PLAT: variants seen among roughly 807,000 people sequenced by gnomAD.
PLAT encodes the protein tissue-type plasminogen activator.
Under a neutral mutation model 74.9 loss-of-function variants are expected in PLAT, and 48 were observed. That is an observed-to-expected ratio of 0.64 (90% CI 0.51 to 0.82). The LOEUF is 0.82. PLAT is among the 40% of genes least tolerant of loss of function. PLAT has a pLI of 0.00. For synonymous variants in PLAT, 307 were observed against 294.4 expected (o/e 1.04, Z -0.44); for missense variants, 673 against 736.2 (o/e 0.91, Z 0.99).
intron 1 of PLAT, among the ~76,000 whole-genome samples, chr8:42,194,241 A>AGAGAGAGAGAGAGTGTGTGTGT (rs1419569830): frequency 7.6e-5 from 4 of 52,544 alleles, no homozygotes; most frequent in African/African-American, 2.7e-4. Flanking sequence ...AGAGAGAGAG[A>AGAGAGAGAGAGAGTGTGTGTGT]GTGTGTGTGT....
At position 42,174,977 on chromosome 8, in the gene PLAT, T is replaced by C. The variant is rs1051563544; in HGVS notation, c.*1016A>G. On this transcript the variant is annotated 3_prime_UTR_variant, in exon 14 of 14. Coordinates refer to ENST00000220809, the MANE Select transcript of PLAT (RefSeq NM_000930.5). ...AAGATTCCCCAATCCCTCTTGCAAC[T>C]GAATTCTACTACAAGTCTGCCCTTT... Among the ~76,000 whole-genome samples the C allele has an allele frequency of 6.6e-6, 1 of 152,162 alleles. No homozygotes were observed. Among genetic ancestry groups the C allele is most frequent in the Non-Finnish European group, 1.5e-5 (1 of 68,032 alleles).
intron 9 of PLAT, among the ~76,000 whole-genome samples, 155 bp downstream of exon 9, chr8:42,181,782 C>T (rs8178778): frequency 0.017 from 2,532 of 151,314 alleles, 73 homozygotes; most frequent in African/African-American, 0.059. Flanking sequence ...GCCCACCCAC[C>T]GTGGCTTCAG....
Position 42,179,888 on chromosome 8 carries a change from C to T in PLAT, c.1363+38G>A, listed in dbSNP as rs748551808. The T allele has an allele frequency of 4.7e-5, 72 of 1,527,592 alleles. No individual in the cohort carries two copies. The South Asian group carries it at 8.4e-4, about 18-fold the overall frequency. 94.6% of individuals were successfully genotyped at this position (1,527,592 alleles called of 1,614,324 possible). A position where few individuals can be genotyped will look rare whatever the true frequency, so the allele number is the denominator to read the frequency against. On this transcript the variant is annotated intron_variant, in intron 12 of 13. Coordinates refer to ENST00000220809, the MANE Select transcript of PLAT (RefSeq NM_000930.5). ...GTGGACCGCAGCCTCCCCTGCTGTC[C>T]CGCAGACAGGATGGGGCCGAGACTT...
intron 1 of PLAT, among the ~76,000 whole-genome samples, chr8:42,196,157 G>C (rs1293347745): frequency 6.6e-6 from 1 of 152,224 alleles, no homozygotes; most frequent in Non-Finnish European, 1.5e-5. Context: ...CTAGGGGTGG[G>C]GGGACCAGAT....
intron 8 of PLAT, 61 bp from the exon 9 acceptor site, chr8:42,182,083 G>A (rs1805270945): frequency 9.3e-7 from 1 of 1,077,034 alleles, no homozygotes; most frequent in East Asian, 2.5e-5. Flanking sequence ...TTTTTGTAGA[G>A]ATGGGGTCTT....
In PLAT at chr8:42,179,966, C is replaced by G; in HGVS notation, c.1323G>C (p.Trp441Cys). ...CGTAGCCGGAGAGCTCACACTCCGT[C>G]CAGTCCGGCAGCTGCAGGTCCGCCG... is the stretch of plus-strand genomic sequence containing the variant. The part of the protein sequence containing the change: ...LPPADLQLPD[W>C]TECELSGYGK... Residue 441 changes from tryptophan (W) to cysteine (C), a missense_variant, in exon 12 of 14, where the codon TGG becomes TGC. Physicochemically the swap from Trp to Cys is radical, Grantham distance 215 (BLOSUM62 -2). Transcript: ENST00000220809. The G allele has an allele frequency of 6.2e-7, 1 of 1,608,330 alleles. No individual in the cohort carries two copies. The highest frequency in any genetic ancestry group is 8.5e-7 in the Non-Finnish European group (1 of 1,176,998).
chr8:42,182,122 C>A, intron 8 of PLAT, 100 bp from the exon 9 acceptor site: 1 of 719,414 alleles, frequency 1.4e-6, no homozygotes, highest in Non-Finnish European at 2.4e-6. Flanking sequence ...GTCTTGAACT[C>A]CTGGGCTCAA....
In PLAT at chr8:42,176,003, A is replaced by T; in HGVS notation, c.1679T>A (p.Met560Lys). 5 of 1,614,106 alleles carry T rather than the reference A, an allele frequency of 3.1e-6. No individual in the cohort carries two copies. Among genetic ancestry groups the T allele is most frequent in the Non-Finnish European group, 4.2e-6 (5 of 1,179,992 alleles). Residue 560 changes from methionine (M) to lysine (K), a missense_variant, in exon 14 of 14, where the codon ATG (methionine) becomes AAG (lysine). By Grantham distance (95) the Met-to-Lys change is moderately conservative. Transcript: ENST00000220809. ...TNYLDWIRDN[M>K]RP ...GTCGGGTGTTCCTGGTCACGGTCGCATGTTGTCACGAATCCAGTCTAGGTA... is the reference window on the plus strand; with the variant it reads ...GTCGGGTGTTCCTGGTCACGGTCGCTTGTTGTCACGAATCCAGTCTAGGTA...
rs977187337 is a variant in PLAT, at chr8:42,205,010, A to G, written c.-27+2484T>C. Among the ~76,000 whole-genome samples the G allele has an allele frequency of 3.9e-5, 6 of 152,334 alleles. No individual in the cohort carries two copies. The South Asian group carries it at 1.2e-3, about 32-fold the overall frequency. On this transcript the variant is annotated intron_variant, in intron 1 of 13. Transcript: ENST00000220809. ...AACCTGCCTCCCATTTTATTCCTAC[A>G]TAAGACGGCTACAAAGATAAAAGGC...
At chr8:42,203,348 G>A (rs1185804706) in intron 1 of PLAT, among the ~76,000 whole-genome samples, 1 of 152,174 alleles carries the variant, frequency 6.6e-6, no homozygotes, top group Non-Finnish European at 1.5e-5. Context: ...TAGCCAAGTC[G>A]CTGCTGGGTC....
chr8:42,179,615 A>C (rs8178787), intron 12 of PLAT, among the ~76,000 whole-genome samples: 1,743 of 152,300 alleles, frequency 0.011, 28 homozygotes, highest in African/African-American at 0.038. Flanking sequence ...GGGATTTGAA[A>C]TCGGGTCTTT....
intron 1 of PLAT, among the ~76,000 whole-genome samples, chr8:42,204,830 C>T (rs1454972912): frequency 1.3e-5 from 2 of 151,372 alleles, no homozygotes; most frequent in African/African-American, 4.9e-5. Context: ...CCAGCCTGAT[C>T]AACATGGTGA....
At chr8:42,177,159 G>A (rs920096786) in intron 13 of PLAT, among the ~76,000 whole-genome samples, 2 of 152,174 alleles carry the variant, frequency 1.3e-5, no homozygotes, top group Non-Finnish European at 2.9e-5. Context: ...GTTTCACCAT[G>A]GTGGCCAGGC....
chr8:42,187,304 T>C, intron 6 of PLAT, 94 bp downstream of exon 6: 1 of 1,119,312 alleles, frequency 8.9e-7, no homozygotes, highest in Non-Finnish European at 1.3e-6. Flanking sequence ...ATTGGTTATG[T>C]TTCTTGGGAG....
rs142075249 is a variant in PLAT, at chr8:42,203,597, C to T, written c.-27+3897G>A. Among the ~76,000 whole-genome samples the T allele has an allele frequency of 1.1e-4, 17 of 152,244 alleles. No homozygotes were observed. In the East Asian group the frequency reaches 3.1e-3, roughly 28 times the overall value. ...GATCAAGAATTGGGTTTATCTGTCCCTCTATCCCATTCTACAGAAGTTTCC... is the reference window on the plus strand; with the variant it reads ...GATCAAGAATTGGGTTTATCTGTCCTTCTATCCCATTCTACAGAAGTTTCC... On this transcript the variant is annotated intron_variant, in intron 1 of 13. Transcript: ENST00000220809.
At chr8:42,181,615 C>T (rs571923096) in intron 9 of PLAT, among the ~76,000 whole-genome samples, 3 of 152,158 alleles carry the variant, frequency 2.0e-5, no homozygotes, top group Non-Finnish European at 2.9e-5. Context: ...GCCATGCATG[C>T]GAGGCCTCCT....
chr8:42,193,323 G>A (rs980441371), intron 1 of PLAT, 112 bp from the exon 2 acceptor site: 35 of 667,884 alleles, frequency 5.2e-5, no homozygotes, highest in Non-Finnish European at 8.2e-5. Context: ...TGCCAGCCCC[G>A]CGGCAGAAAC....
chr8:42,182,957 C>A, intron 7 of PLAT, 67 bp from the exon 8 acceptor site: 1 of 1,363,128 alleles, frequency 7.3e-7, no homozygotes. Context: ...AGGGCTGGGG[C>A]TTGAAGCGGA....
At position 42,184,965 on chromosome 8, in the gene PLAT, G is replaced by A. The variant is rs1013530478; in HGVS notation, c.631+116C>T. Reference sequence around the variant, plus strand: ...TCTTTCTTCCCTCTGCAACCAAAATGACTCACTCCTGGCCTCCCCCTTTCT... The same window carrying A: ...TCTTTCTTCCCTCTGCAACCAAAATAACTCACTCCTGGCCTCCCCCTTTCT... On this transcript the variant is annotated intron_variant, in intron 7 of 13. Coordinates refer to ENST00000220809, the MANE Select transcript of PLAT (RefSeq NM_000930.5). 4 of 618,404 alleles carry A rather than the reference G, an allele frequency of 6.5e-6. No homozygotes were observed. In the Admixed American group the frequency reaches 1.0e-4, roughly 16 times the overall value. The allele number at this position is 618,404 out of a possible 1,614,324, so 38.3% of individuals were successfully genotyped here.
Sources: allele counts gnomAD v4.1 joint callset (sites outside exome capture counted in the v4.1 genomes callset), GRCh38; gene constraint gnomAD v4.1.1; transcripts MANE v1.5; gene names NCBI Gene and HGNC (gene_info 2026-07-23, HGNC 2026-07-21).